The following SELENOO variants were observed in gnomAD, a reference collection of about 807,000 sequenced individuals.
SELENOO encodes the protein protein adenylyltransferase SelO, mitochondrial.
SELENOO carries 74 observed loss-of-function variants against 58.7 expected under a neutral mutation model. The observed-to-expected ratio is 1.26, with a 90% CI of 1.04 to 1.53. SELENOO has a LOEUF of 1.53. Among genes scored for constraint, SELENOO ranks in the 40% most tolerant of loss-of-function variants. SELENOO has a pLI of 0.00. For synonymous variants in SELENOO, 543 were observed against 453.2 expected, an observed-to-expected ratio of 1.20 and a Z score of -2.52; for missense variants, 1,149 against 970.0, an observed-to-expected ratio of 1.18 and a Z score of -2.45.
chr22:50,212,995 A>G (rs1221358705), intron 5 of SELENOO, among the ~76,000 whole-genome samples: 1 of 152,184 alleles, frequency 6.6e-6, no homozygotes, highest in Non-Finnish European at 1.5e-5. Context: ...TCTTCAGTGT[A>G]GCCATTTACA....
In SELENOO at chr22:50,216,870, C is replaced by T. The variant is rs768111760; in HGVS notation, c.1682C>T (p.Ala561Val). The T allele has an allele frequency of 1.4e-5, 23 of 1,607,148 alleles. No individual in the cohort carries two copies. The highest frequency in any genetic ancestry group is 1.0e-4 in the Admixed American group (6 of 59,974). ...GGCCACTGGGCTGACTGGCTACAGG[C>T]GTACAGGTGAGCCCTGCGTCCATGG... ...NQGHWADWLQ[A>V]YRARLDKDLE... Residue 561 changes from alanine to valine, a missense_variant, in exon 7 of 9, where the codon GCG (alanine) becomes GTG (valine). By Grantham distance (64) the Ala-to-Val change is moderately conservative. Transcript: ENST00000380903.
Position 50,201,016 on chromosome 22 carries a change from C to T in SELENOO, c.-21C>T. 1 of 1,235,066 alleles carries T rather than the reference C, an allele frequency of 8.1e-7. No homozygotes were observed. The highest frequency in any genetic ancestry group is 1.0e-6 in the Non-Finnish European group (1 of 988,530). The allele number at this position is 1,235,066 out of a possible 1,614,324, so 76.5% of individuals were successfully genotyped here. A position where few individuals can be genotyped will look rare whatever the true frequency, so the allele number is the denominator to read the frequency against. ...GCTTCCGGGCGGGGCAGGCTGGCTT[C>T]CGGCGGGAGCGGGGCCGCGGATGGC... On this transcript the variant is annotated 5_prime_UTR_variant, in exon 1 of 9. Transcript: ENST00000380903.
chr22:50,201,590 G>A lies in SELENOO; in HGVS notation c.554G>A (p.Arg185Lys). ...GGCGCCGGGCCCACGCCCTTCTCCAGGTGGGCCGGGGCGGGCGAGGGGCGC... is the reference window on the plus strand; with the variant it reads ...GGCGCCGGGCCCACGCCCTTCTCCAAGTGGGCCGGGGCGGGCGAGGGGCGC... Reference protein sequence around the residue: ...LKGAGPTPFSRQADGRKVLRS... With the variant: ...LKGAGPTPFSKQADGRKVLRS... Residue 185 changes from arginine (R) to lysine (K), a missense_variant and splice_region_variant, in exon 1 of 9, where the codon AGA (arginine) becomes AAA (lysine). Coordinates refer to ENST00000380903, the MANE Select transcript of SELENOO (RefSeq NM_031454.2). The A allele has an allele frequency of 7.8e-7, 1 of 1,288,078 alleles. No homozygotes were observed. Among genetic ancestry groups the A allele is most frequent in the Non-Finnish European group, 9.9e-7 (1 of 1,015,196 alleles). The allele number at this position is 1,288,078 out of a possible 1,614,324, so 79.8% of individuals were successfully genotyped here.
chr22:50,216,917 C>G, intron 7 of SELENOO, 41 bp downstream of exon 7: 1 of 1,601,790 alleles, frequency 6.2e-7, no homozygotes, highest in Non-Finnish European at 8.5e-7. Flanking sequence ...CGGCGGGTCG[C>G]GTGCTGGAAA....
At chr22:50,202,212 C>T (rs978764573) in intron 1 of SELENOO, among the ~76,000 whole-genome samples, 2 of 77,168 alleles carry the variant, frequency 2.6e-5, no homozygotes, top group Non-Finnish European at 5.6e-5. Flanking sequence ...TTGTGAATGA[C>T]TAGGAAAGTG....
In SELENOO at chr22:50,217,588, G is replaced by A; in HGVS notation, c.*219G>A. ...CCTGGTCCCTGGGGGCTGGACCCAG[G>A]CTCCTAAATAAACCAGCAACTCCCT... On this transcript the variant is annotated 3_prime_UTR_variant, in exon 9 of 9. Transcript: ENST00000380903. 2.1e-6 allele frequency: 2 copies of A among 973,622 alleles called. No individual in the cohort carries two copies. The highest frequency in any genetic ancestry group is 3.0e-6 in the Non-Finnish European group (2 of 668,194). The allele number at this position is 973,622 out of a possible 1,614,324, so 60.3% of individuals were successfully genotyped here.
Position 50,210,711 on chromosome 22 carries a change from G to A in SELENOO, c.1151G>A (p.Trp384Ter). The A allele has an allele frequency of 7.4e-6, 12 of 1,613,412 alleles. No individual in the cohort carries two copies. The highest frequency in any genetic ancestry group is 1.0e-5 in the Non-Finnish European group (12 of 1,180,006). Residue 384 changes from tryptophan to a stop codon, truncating the protein, a stop_gained, in exon 5 of 9, where the codon TGG becomes TAG. Coordinates refer to ENST00000380903, the MANE Select transcript of SELENOO (RefSeq NM_031454.2). LOFTEE classifies it high-confidence loss of function. The part of the protein sequence containing the change: ...AYSKQPEVCR[W>*]NLRKLAEALQ... Reference sequence around the variant, plus strand: ...AGCAAGCAGCCCGAGGTGTGCAGGTGGAACCTGCGGAAGCTGGCCGAGGCC... The same window carrying A: ...AGCAAGCAGCCCGAGGTGTGCAGGTAGAACCTGCGGAAGCTGGCCGAGGCC...
Position 50,210,898 on chromosome 22 carries a change from C to T in SELENOO, c.1338C>T (p.Thr446=), listed in dbSNP as rs371164180. 4.6e-5 allele frequency: 74 copies of T among 1,614,064 alleles called. No homozygotes were observed. In the Middle Eastern group the frequency reaches 6.6e-4, roughly 14 times the overall value. The change falls in exon 5 of 9, where the codon ACC becomes ACT. Residue 446 remains threonine (T), a synonymous_variant. Coordinates refer to ENST00000380903, the MANE Select transcript of SELENOO (RefSeq NM_031454.2). ...DGALVSKLLE[T]MHLTGADFTN... The stretch of plus-strand genomic sequence containing the variant: ...CGCTGGTGTCCAAGCTCCTGGAGAC[C>T]ATGCATCTGACCGGTGAGTGACCCA...
At chr22:50,210,996 A>G (rs2064367935) in intron 5 of SELENOO, 85 bp downstream of exon 5, 3 of 1,469,278 alleles carry the variant, frequency 2.0e-6, no homozygotes, top group South Asian at 2.3e-5. Flanking sequence ...TCCAGGTTCC[A>G]AGTGCACAGT....
In SELENOO at chr22:50,215,782, C is replaced by G. The variant is rs2147167328; in HGVS notation, c.1417C>G (p.Leu473Val). The change falls in exon 6 of 9, where the codon CTG (leucine) becomes GTG (valine). Residue 473 changes from leucine (L) to valine (V), a missense_variant. Transcript: ENST00000380903. Reference sequence around the variant, plus strand: ...CCCAGTGGAGCTAGAGTCGCCAGGCCTGGCGGAATTCCTGGCCAGGCTGAT... The same window carrying G: ...CCCAGTGGAGCTAGAGTCGCCAGGCGTGGCGGAATTCCTGGCCAGGCTGAT... ...SFPVELESPG[L>V]AEFLARLMEQ... 2 of 1,612,654 alleles carry G rather than the reference C, an allele frequency of 1.2e-6. No homozygotes were observed. The highest frequency in any genetic ancestry group is 2.2e-5 in the South Asian group (2 of 91,052).
chr22:50,209,822 G>A (rs1310221852), intron 3 of SELENOO, among the ~76,000 whole-genome samples: 1 of 152,230 alleles, frequency 6.6e-6, no homozygotes, highest in African/African-American at 2.4e-5. Flanking sequence ...GGGTGGTGGT[G>A]GCACCAGGAT....
Position 50,217,075 on chromosome 22 carries a change from AACT to A in SELENOO, c.1795_1797del (p.Tyr599del), listed in dbSNP as rs2147169308. ...CAACAACCCGAAGTACGTGCTGAGG[AACT>A]ACATCGCGCAGAATGCCATCGAGGC... On this transcript the variant is annotated inframe_deletion, in exon 8 of 9. Transcript: ENST00000380903. The A allele has an allele frequency of 1.2e-6, 2 of 1,612,940 alleles. No homozygotes were observed. The highest frequency in any genetic ancestry group is 2.2e-5 in the East Asian group (1 of 44,872).
At chr22:50,201,787 A>G (rs1221434319) in intron 1 of SELENOO, among the ~76,000 whole-genome samples, 197 bp downstream of exon 1, 1 of 152,238 alleles carries the variant, frequency 6.6e-6, no homozygotes, top group Non-Finnish European at 1.5e-5. Flanking sequence ...CAGCTCCACC[A>G]GGGACGCCGC....
intron 5 of SELENOO, among the ~76,000 whole-genome samples, chr22:50,213,256 TC>T (rs59394665): frequency 0.4 from 60,490 of 151,844 alleles, 12,030 homozygotes; most frequent in African/African-American, 0.41. Context: ...AGATGGGGCT[TC>T]ACCATGTTGG....
chr22:50,211,461 T>C (rs1463267888), intron 5 of SELENOO, among the ~76,000 whole-genome samples: 4 of 152,230 alleles, frequency 2.6e-5, no homozygotes, highest in Non-Finnish European at 5.9e-5. Flanking sequence ...GGGCATTCTT[T>C]TCTTGTTCCT....
rs754911283 is a variant in SELENOO at position 50,201,389 on chromosome 22, C to A, written c.353C>A (p.Ala118Asp). The change falls in exon 1 of 9, where the codon GCC becomes GAC. Residue 118 changes from alanine (A) to aspartate (D), a missense_variant. By Grantham distance (126) the Ala-to-Asp change is moderately radical (BLOSUM62 -2). Coordinates refer to ENST00000380903, the MANE Select transcript of SELENOO (RefSeq NM_031454.2). ...LGAPPAREAEAEAALFFSGNA... is the reference protein window; with the variant it reads ...LGAPPAREAEDEAALFFSGNA... ...GCGCCGCCCGCGCGCGAGGCCGAGG[C>A]CGAGGCCGCGCTGTTCTTCAGCGGC... 16 of 1,276,436 alleles carry A rather than the reference C, an allele frequency of 1.3e-5. No homozygotes were observed. In the South Asian group the frequency reaches 3.4e-4, roughly 27 times the overall value. The allele number at this position is 1,276,436 out of a possible 1,614,324, so 79.1% of individuals were successfully genotyped here. A position where few individuals can be genotyped will look rare whatever the true frequency, so the allele number is the denominator to read the frequency against.
intron 1 of SELENOO, among the ~76,000 whole-genome samples, chr22:50,205,050 G>C (rs2064324523): frequency 9.0e-6 from 1 of 110,614 alleles, no homozygotes; most frequent in African/African-American, 3.5e-5. Flanking sequence ...CATTCATAGA[G>C]ACAAAGTAGA....
At chr22:50,207,700 G>A (rs1173273983) in intron 2 of SELENOO, among the ~76,000 whole-genome samples, 6 of 148,196 alleles carry the variant, frequency 4.0e-5, no homozygotes, top group Non-Finnish European at 5.9e-5. Context: ...CCCTGGGCCC[G>A]CTGGTTGCCA....
At chr22:50,214,058 C>A (rs1157335503) in intron 5 of SELENOO, among the ~76,000 whole-genome samples, 1 of 152,160 alleles carries the variant, frequency 6.6e-6, no homozygotes, top group East Asian at 1.9e-4. Context: ...CATTTTTGGG[C>A]TTTCTTATTG....
Sources: gnomAD v4.1 joint callset for allele counts (sites outside exome capture counted in the v4.1 genomes callset) on GRCh38, gnomAD v4.1.1 for gene constraint, MANE v1.5 for transcripts, NCBI Gene and HGNC (gene_info 2026-07-23, HGNC 2026-07-21) for gene names.